LRFN5: variants seen among roughly 807,000 people sequenced by gnomAD.
LRFN5 encodes the protein leucine-rich repeat and fibronectin type-III domain-containing protein 5.
In LRFN5, 24 loss-of-function variants were observed where a neutral mutation model predicts 45.6. The observed-to-expected ratio is 0.53, with a 90% CI of 0.38 to 0.74. The LOEUF (loss-of-function observed/expected upper bound fraction) is 0.74, where lower values mean the gene tolerates loss of function less well. LRFN5 is among the 30% of genes least tolerant of loss of function. The pLI, the probability that LRFN5 is intolerant of heterozygous loss-of-function variation, is 0.00. For synonymous variants in LRFN5, 340 were observed against 313.8 expected (o/e 1.08, Z -0.88); for missense variants, 776 against 861.5 (o/e 0.90, Z 1.24).
chr14:41,827,455 A>G (rs962273077), intron 2 of LRFN5, among the ~76,000 whole-genome samples: 4 of 152,062 alleles, frequency 2.6e-5, no homozygotes, highest in Non-Finnish European at 4.4e-5. Flanking sequence ...AAAAATATAT[A>G]TTTGGTAAGT....
At chr14:41,808,643 C>T (rs115107424) in intron 2 of LRFN5, among the ~76,000 whole-genome samples, 1,680 of 151,766 alleles carry the variant, frequency 0.011, 27 homozygotes, top group African/African-American at 0.038. Context: ...AATAGTGTAC[C>T]CAATTGTGGC....
chr14:41,843,855 G>A (rs1354463153), intron 2 of LRFN5, among the ~76,000 whole-genome samples: 3 of 152,072 alleles, frequency 2.0e-5, no homozygotes, highest in African/African-American at 7.2e-5. Context: ...AAACACACAT[G>A]TTCATAAACA....
At chr14:41,694,831 C>A (rs1360465708) in intron 1 of LRFN5, among the ~76,000 whole-genome samples, 1 of 151,638 alleles carries the variant, frequency 6.6e-6, no homozygotes, top group Non-Finnish European at 1.5e-5. Context: ...AAAAACATTC[C>A]CATACAAGAT....
intron 2 of LRFN5, among the ~76,000 whole-genome samples, chr14:41,865,093 CCATT>C (rs1482192038): frequency 4.6e-5 from 7 of 151,904 alleles, no homozygotes; most frequent in Non-Finnish European, 8.8e-5. Context: ...AATTCATGTG[CCATT>C]CAATCTCCTC....
At position 41,827,185 on chromosome 14, in the gene LRFN5, T is replaced by C. The variant is rs189130753; in HGVS notation, c.-20-59421T>C. 6.6e-3 allele frequency among the ~76,000 whole-genome samples: 1,010 copies of C among 152,264 alleles called. 11 individuals are homozygous for C. Among genetic ancestry groups the C allele is most frequent in the African/African-American group, 0.023 (966 of 41,574 alleles). ...GTTGAGTGGCATATACTTTGTTTCC[T>C]TTCACAGTCATGAAGCTGAGGGTCA... is the stretch of plus-strand genomic sequence containing the variant. On this transcript the variant is annotated intron_variant, in intron 2 of 5. Coordinates refer to ENST00000298119, the MANE Select transcript of LRFN5 (RefSeq NM_152447.5).
intron 1 of LRFN5, among the ~76,000 whole-genome samples, chr14:41,704,293 C>G (rs952594355): frequency 6.6e-6 from 1 of 152,094 alleles, no homozygotes; most frequent in Admixed American, 6.6e-5. Flanking sequence ...TTCCCTTTCT[C>G]TCTTTTCCCT....
chr14:41,641,159 A>G (rs1425867491), intron 1 of LRFN5, among the ~76,000 whole-genome samples: 1 of 152,146 alleles, frequency 6.6e-6, no homozygotes, highest in East Asian at 1.9e-4. Flanking sequence ...CTTGAGACAT[A>G]TTTGATAATT....
rs148021265 is a variant in LRFN5 at position 41,868,243 on chromosome 14, A to G, written c.-20-18363A>G. ...TTTTTTGTATTTTATTTAGATTTTG[A>G]CTACCTATTGAATAGCAGATGACAA... On this transcript the variant is annotated intron_variant, in intron 2 of 5. Transcript: ENST00000298119. 5.3e-3 allele frequency among the ~76,000 whole-genome samples: 812 copies of G among 152,218 alleles called. 3 individuals are homozygous for G. Among genetic ancestry groups the G allele is most frequent in the Non-Finnish European group, 8.4e-3 (573 of 67,976 alleles).
chr14:41,815,782 A>G (rs1400464995), intron 2 of LRFN5, among the ~76,000 whole-genome samples: 2 of 151,920 alleles, frequency 1.3e-5, no homozygotes, highest in Admixed American at 6.6e-5. Context: ...AAATAAATAA[A>G]TAAAATGAAG....
intron 2 of LRFN5, among the ~76,000 whole-genome samples, chr14:41,815,478 C>CTA (rs1887886052): frequency 6.6e-6 from 1 of 152,056 alleles, no homozygotes; most frequent in African/African-American, 2.4e-5. Flanking sequence ...TCACTGGAAT[C>CTA]TATAATCACA....
At chr14:41,902,708 G>T (rs917123610) in intron 5 of LRFN5, among the ~76,000 whole-genome samples, 2 of 151,688 alleles carry the variant, frequency 1.3e-5, no homozygotes, top group Admixed American at 6.6e-5. Context: ...ACTTAAACTA[G>T]TTATTTTGTC....
At chr14:41,734,316 T>TTATATATATATATATATATATATATATA (rs60855395) in intron 1 of LRFN5, among the ~76,000 whole-genome samples, 576 of 38,644 alleles carry the variant, frequency 0.015, 75 homozygotes, top group Non-Finnish European at 0.021. Flanking sequence ...TGGACTGGTT[T>TTATATATATATATATATATATATATATA]TATATATATA....
intron 2 of LRFN5, among the ~76,000 whole-genome samples, chr14:41,855,351 A>G (rs1889416597): frequency 6.6e-6 from 1 of 152,206 alleles, no homozygotes; most frequent in Non-Finnish European, 1.5e-5. Context: ...TAGAGTGATG[A>G]GACAAATATA....
chr14:41,622,735 T>C (rs1888179423), intron 1 of LRFN5, among the ~76,000 whole-genome samples: 1 of 152,114 alleles, frequency 6.6e-6, no homozygotes, highest in Non-Finnish European at 1.5e-5. Flanking sequence ...GTAACTTCTT[T>C]TTCTTTTTGT....
At chr14:41,780,212 C>G (rs1306344540) in intron 2 of LRFN5, among the ~76,000 whole-genome samples, 1 of 151,652 alleles carries the variant, frequency 6.6e-6, no homozygotes, top group Non-Finnish European at 1.5e-5. Context: ...TCTTATTATC[C>G]AAATGTTTTG....
intron 2 of LRFN5, among the ~76,000 whole-genome samples, chr14:41,868,828 A>G (rs1889924339): frequency 1.3e-5 from 2 of 152,324 alleles, no homozygotes; most frequent in Middle Eastern, 3.4e-3. Context: ...ATGAGTAATT[A>G]TAAAATGACT....
chr14:41,741,553 G>T (rs1010554461), intron 1 of LRFN5, among the ~76,000 whole-genome samples: 2 of 151,566 alleles, frequency 1.3e-5, no homozygotes, highest in Non-Finnish European at 2.9e-5. Context: ...ATTCAAAACG[G>T]ACAAAAGACC....
chr14:41,803,384 C>T (rs1342643067), intron 2 of LRFN5, among the ~76,000 whole-genome samples: 4 of 151,800 alleles, frequency 2.6e-5, no homozygotes, highest in Non-Finnish European at 5.9e-5. Context: ...CAGGGTCACA[C>T]TCTGTCACCC....
chr14:41,816,336 C>A (rs1887916855), intron 2 of LRFN5, among the ~76,000 whole-genome samples: 1 of 152,008 alleles, frequency 6.6e-6, no homozygotes, highest in Non-Finnish European at 1.5e-5. Context: ...CAATTAAGAA[C>A]AAGAAAAATT....
Sources: gnomAD v4.1 joint callset for allele counts (sites outside exome capture counted in the v4.1 genomes callset) on GRCh38, gnomAD v4.1.1 for gene constraint, MANE v1.5 for transcripts, NCBI Gene and HGNC (gene_info 2026-07-23, HGNC 2026-07-21) for gene names.